The following GALNT13 variants were observed in gnomAD, a reference collection of about 807,000 sequenced individuals.
GALNT13 encodes the protein polypeptide N-acetylgalactosaminyltransferase 13, also known as UDP-GalNAc:polypeptide N-acetylgalactosaminyltransferase 13.
In GALNT13, 28 loss-of-function variants were observed where a neutral mutation model predicts 64.2. The observed-to-expected ratio is 0.44, with a 90% CI of 0.32 to 0.60. The LOEUF (loss-of-function observed/expected upper bound fraction) is 0.60. Among genes scored for constraint, GALNT13 ranks in the 20% least tolerant of loss-of-function variants. The pLI is 0.05. For synonymous variants in GALNT13, 214 were observed against 224.6 expected (o/e 0.95, Z 0.42); for missense variants, 577 against 669.8 (o/e 0.86, Z 1.53).
At chr2:154,309,702 C>T (rs1033161094) in intron 9 of GALNT13, among the ~76,000 whole-genome samples, 2 of 152,174 alleles carry the variant, frequency 1.3e-5, no homozygotes, top group Non-Finnish European at 2.9e-5. Flanking sequence ...TACCTTTCAA[C>T]ACTGCAACAT....
At chr2:154,175,591 C>T (rs1282541358) in intron 4 of GALNT13, among the ~76,000 whole-genome samples, 1 of 152,038 alleles carries the variant, frequency 6.6e-6, no homozygotes, top group Non-Finnish European at 1.5e-5. Context: ...CCTTTAAATG[C>T]CACAGGCTCC....
chr2:154,340,016 A>T (rs1404109931), intron 9 of GALNT13, among the ~76,000 whole-genome samples: 5 of 152,156 alleles, frequency 3.3e-5, no homozygotes, highest in Non-Finnish European at 5.9e-5. Flanking sequence ...CTGATTTTTA[A>T]AAATGTCTAT....
chr2:154,232,958 T>G (rs2105849826), intron 4 of GALNT13, among the ~76,000 whole-genome samples: 1 of 147,780 alleles, frequency 6.8e-6, no homozygotes, highest in South Asian at 2.1e-4. Flanking sequence ...GAAGGATGCT[T>G]GAGCCCAGGA....
chr2:154,269,117 TG>T (rs1691181829), intron 8 of GALNT13, among the ~76,000 whole-genome samples: 1 of 151,994 alleles, frequency 6.6e-6, no homozygotes, highest in African/African-American at 2.4e-5. Context: ...TAATAAATAG[TG>T]GAAAAATGAA....
chr2:153,494,744 T>C, the GALNT13 span, among the ~76,000 whole-genome samples: 3 of 151,870 alleles, frequency 2.0e-5, no homozygotes, highest in Non-Finnish European at 4.4e-5. Flanking sequence ...AAGAAAAAAA[T>C]GGTAACTTAG....
intron 4 of GALNT13, among the ~76,000 whole-genome samples, chr2:154,207,088 C>A (rs1347650869): frequency 6.6e-6 from 1 of 152,154 alleles, no homozygotes; most frequent in Non-Finnish European, 1.5e-5. Context: ...TTAAAACTAT[C>A]ACTTTCCTAA....
At chr2:153,148,517 T>A in the GALNT13 span, among the ~76,000 whole-genome samples, 3 of 151,518 alleles carry the variant, frequency 2.0e-5, no homozygotes, top group African/African-American at 7.3e-5. Flanking sequence ...TTAGTTGTTT[T>A]AAATAGGGAT....
At chr2:153,279,213 C>T in the GALNT13 span, among the ~76,000 whole-genome samples, 1 of 152,092 alleles carries the variant, frequency 6.6e-6, no homozygotes, top group African/African-American at 2.4e-5. Flanking sequence ...GATTTTGTAT[C>T]CTCCATCTTT....
At chr2:153,658,970 A>G in the GALNT13 span, among the ~76,000 whole-genome samples, 26,404 of 152,090 alleles carry the variant, frequency 0.17, 2,837 homozygotes, top group Non-Finnish European at 0.24. Flanking sequence ...TATTTAGAAC[A>G]CTGTACTCAC....
At position 154,128,937 on chromosome 2, in the gene GALNT13, A is replaced by G. The variant is rs145895807; in HGVS notation, c.143-11400A>G. Among the ~76,000 whole-genome samples, 557 of 152,216 alleles carry G rather than the reference A, an allele frequency of 3.7e-3. 4 individuals are homozygous for G. The highest frequency in any genetic ancestry group is 0.013 in the African/African-American group (533 of 41,542). On this transcript the variant is annotated intron_variant, in intron 3 of 12. Coordinates refer to ENST00000392825, the MANE Select transcript of GALNT13 (RefSeq NM_052917.4). ...AATTGAATAATTGATATAATTTCAT[A>G]TTTCTGAATTTACTGGTAAAATATG...
intron 3 of GALNT13, among the ~76,000 whole-genome samples, chr2:154,099,853 T>A (rs1248397421): frequency 1.4e-4 from 21 of 152,120 alleles, no homozygotes; most frequent in Admixed American, 1.4e-3. Flanking sequence ...GACTAGAGAA[T>A]CACTTGAGCC....
chr2:154,111,598 G>T (rs574653290), intron 3 of GALNT13, among the ~76,000 whole-genome samples: 131 of 152,212 alleles, frequency 8.6e-4, no homozygotes, highest in East Asian at 7.7e-4. Flanking sequence ...CAAAACGTAA[G>T]GTCACGGGAG....
At chr2:153,959,490 G>A (rs889252098) in intron 3 of GALNT13, among the ~76,000 whole-genome samples, 5 of 152,174 alleles carry the variant, frequency 3.3e-5, no homozygotes, top group Admixed American at 1.3e-4. Context: ...TAAAACAAAT[G>A]GTGGAGCAAT....
At chr2:153,853,341 A>C in the GALNT13 span, among the ~76,000 whole-genome samples, 1 of 152,198 alleles carries the variant, frequency 6.6e-6, no homozygotes, top group Non-Finnish European at 1.5e-5. Context: ...AATACTTTGT[A>C]TCCTTCAATC....
At chr2:153,231,551 A>C in the GALNT13 span, among the ~76,000 whole-genome samples, 1 of 152,220 alleles carries the variant, frequency 6.6e-6, no homozygotes, top group East Asian at 1.9e-4. Flanking sequence ...TCTAGCCTAA[A>C]TGTATATACT....
the GALNT13 span, among the ~76,000 whole-genome samples, chr2:153,698,988 G>C: frequency 6.6e-6 from 1 of 152,148 alleles, no homozygotes; most frequent in Admixed American, 6.5e-5. Context: ...ACTTTGGGAG[G>C]CCAAGGCAGG....
the GALNT13 span, among the ~76,000 whole-genome samples, chr2:153,734,610 C>T: frequency 1.3e-5 from 2 of 152,048 alleles, no homozygotes; most frequent in Non-Finnish European, 2.9e-5. Flanking sequence ...ATAATATTTT[C>T]GATTGGCTGC....
intron 9 of GALNT13, among the ~76,000 whole-genome samples, chr2:154,341,083 A>G (rs1488947518): frequency 2.0e-5 from 3 of 152,166 alleles, no homozygotes; most frequent in Admixed American, 6.6e-5. Flanking sequence ...ATAAAGTAAC[A>G]TATCAAGGGC....
chr2:153,445,874 T>C, the GALNT13 span, among the ~76,000 whole-genome samples: 4 of 152,194 alleles, frequency 2.6e-5, no homozygotes, highest in African/African-American at 9.7e-5. Context: ...CACTATCTTT[T>C]AACATTGTTT....
Sources: gnomAD v4.1 joint callset for allele counts (sites outside exome capture counted in the v4.1 genomes callset) on GRCh38, gnomAD v4.1.1 for gene constraint, MANE v1.5 for transcripts, NCBI Gene and HGNC (gene_info 2026-07-23, HGNC 2026-07-21) for gene names.